MGST1: variants seen among roughly 807,000 people sequenced by gnomAD.
The protein encoded by MGST1 is glutathione S-transferase 12.
In MGST1, 5 loss-of-function variants were observed where a neutral mutation model predicts 8.9. The ratio of observed to expected loss-of-function variants is 0.56; its 90% confidence interval spans 0.29 to 1.19. The LOEUF is 1.19. Ranked by LOEUF, MGST1 falls within the 50% of genes most tolerant of loss-of-function variation. MGST1 has a pLI of 0.08. For missense variants in MGST1, 182 were observed against 187.4 expected (o/e 0.97, Z 0.17); for synonymous variants, 54 against 67.8 (o/e 0.80, Z 1.00).
chr12:16,381,083 CTCTT>C (rs1176479536), downstream of MGST1, among the ~76,000 whole-genome samples: 1 of 152,170 alleles, frequency 6.6e-6, no homozygotes, highest in Non-Finnish European at 1.5e-5. Context: ...TGTGTCTTGA[CTCTT>C]TATCCAATTT....
downstream of MGST1, among the ~76,000 whole-genome samples, chr12:16,381,495 C>A (rs1255491780): frequency 3.9e-5 from 6 of 152,200 alleles, no homozygotes; most frequent in Non-Finnish European, 7.3e-5. Context: ...TGTAGAGTTT[C>A]TGCCGAGAGA....
chr12:16,452,636 C>T (rs568052957), intron 4 of MGST1, among the ~76,000 whole-genome samples: 2 of 151,890 alleles, frequency 1.3e-5, no homozygotes, highest in Non-Finnish European at 2.9e-5. Context: ...TCAATCCTCA[C>T]AACAACCTGG....
Position 16,544,221 on chromosome 12 carries a change from T to TACAC in MGST1, n.483-45267_483-45264dup, listed in dbSNP as rs3029719. Among the ~76,000 whole-genome samples, 21,096 of 138,632 alleles carry TACAC rather than the reference T, an allele frequency of 0.15. 1,832 individuals carry two copies. Among genetic ancestry groups the TACAC allele is most frequent in the Admixed American group, 0.25 (3,399 of 13,636 alleles). 90.9% of individuals were successfully genotyped at this position (138,632 alleles called of 152,430 possible). A position where few individuals can be genotyped will look rare whatever the true frequency, so the allele number is the denominator to read the frequency against. On this transcript the variant is annotated intron_variant and non_coding_transcript_variant, in intron 4 of 4. Transcript: ENST00000538857. This position sits in a 1 kb window ranked among gnomAD's most constrained non-coding sequence, Gnocchi z 4.8. ...TTAAATTGACACCTTAAGTAAGAACTACACACACACACACACACACACACA... is the reference window on the plus strand; with the variant it reads ...TTAAATTGACACCTTAAGTAAGAACTACACACACACACACACACACACACACACA...
intron 4 of MGST1, among the ~76,000 whole-genome samples, chr12:16,498,697 C>A (rs934721037): frequency 6.6e-6 from 1 of 152,104 alleles, no homozygotes; most frequent in African/African-American, 2.4e-5. Flanking sequence ...ACAGGAGACC[C>A]GCTTTCCATG....
chr12:16,545,067 T>G (rs1300291292), intron 4 of MGST1, among the ~76,000 whole-genome samples: 1 of 152,104 alleles, frequency 6.6e-6, no homozygotes, highest in African/African-American at 2.4e-5. Context: ...GCTTTAAGTA[T>G]ATTTAAAAAA....
rs899218801 is a variant in MGST1 at position 16,517,733 on chromosome 12, G to A, written n.483-71795G>A. Reference sequence around the variant, plus strand: ...CACAGAGAAGAGAGTTTTAGCCAATGGTCTTCTGCTATTCCAGATTCATTA... The same window carrying A: ...CACAGAGAAGAGAGTTTTAGCCAATAGTCTTCTGCTATTCCAGATTCATTA... On this transcript the variant is annotated intron_variant and non_coding_transcript_variant, in intron 4 of 4. Transcript: ENST00000538857. This position sits in a 1 kb window ranked among gnomAD's most constrained non-coding sequence, Gnocchi z 4.2. 1.3e-5 allele frequency among the ~76,000 whole-genome samples: 2 copies of A among 152,088 alleles called. No homozygotes were observed. Among genetic ancestry groups the A allele is most frequent in the East Asian group, 3.9e-4 (2 of 5,180 alleles).
At position 16,560,637 on chromosome 12, in the gene MGST1, C is replaced by A; in HGVS notation, n.483-28891C>A. On this transcript the variant is annotated intron_variant and non_coding_transcript_variant, in intron 4 of 4. Transcript: ENST00000538857. This position sits in a 1 kb window ranked among gnomAD's most constrained non-coding sequence, Gnocchi z 5.0. ...TAATATACTCTGTAAAGCTACAATA[C>A]ACAATGCTTTATGATGTACACAAGT... is the stretch of plus-strand genomic sequence containing the variant. The A allele has an allele frequency of 9.4e-7, 1 of 1,060,316 alleles. No homozygotes were observed. The highest frequency in any genetic ancestry group is 1.4e-6 in the Non-Finnish European group (1 of 719,390). 65.7% of individuals were successfully genotyped at this position (1,060,316 alleles called of 1,614,324 possible).
chr12:16,365,987 T>G (rs1298945817), downstream of MGST1, among the ~76,000 whole-genome samples: 1 of 152,218 alleles, frequency 6.6e-6, no homozygotes, highest in Non-Finnish European at 1.5e-5. Flanking sequence ...GGTCAGGTCT[T>G]TGTTGAACCA....
chr12:16,399,276 T>C lies in MGST1; in HGVS notation n.778+15672T>C, dbSNP rs142270291. 11 of 1,604,706 alleles carry C rather than the reference T, an allele frequency of 6.9e-6. No individual in the cohort carries two copies. The African/African-American group carries it at 1.1e-4, about 16-fold the overall frequency. On this transcript the variant is annotated intron_variant and non_coding_transcript_variant, in intron 1 of 1. Coordinates refer to the MGST1 transcript ENST00000359720. ...GAGCTCAGGGCCAAAGTTCAGAAGT[T>C]ACTTCCTCTTTTTCTTGGGGGGTGC...
At position 16,500,670 on chromosome 12, in the gene MGST1, G is replaced by A. The variant is rs1032889885; in HGVS notation, n.483-88858G>A. 1.4e-5 allele frequency among the ~76,000 whole-genome samples: 2 copies of A among 147,794 alleles called. No homozygotes were observed. Among genetic ancestry groups the A allele is most frequent in the African/African-American group, 4.9e-5 (2 of 40,634 alleles). On this transcript the variant is annotated intron_variant and non_coding_transcript_variant, in intron 4 of 4. Transcript: ENST00000538857. This position sits in a 1 kb window ranked among gnomAD's most constrained non-coding sequence, Gnocchi z 4.3. ...TTAGAAGGCCTTTGCCCAGGATGAT[G>A]TTTACACATAGCAGGTGCTCAATAA...
intron 1 of MGST1, among the ~76,000 whole-genome samples, chr12:16,407,674 C>A (rs528107703): frequency 4.6e-5 from 7 of 152,118 alleles, no homozygotes; most frequent in African/African-American, 1.4e-4. Flanking sequence ...AAGTGCCCAT[C>A]ATTTGTGAAC....
chr12:16,551,207 G>A (rs1337984048), intron 4 of MGST1: 1 of 1,451,112 alleles, frequency 6.9e-7, no homozygotes, highest in African/African-American at 1.4e-5. Flanking sequence ...TTCTTAATGG[G>A]GTGATGTTGA....
chr12:16,547,393 G>A lies in MGST1; in HGVS notation n.483-42135G>A, dbSNP rs1462736442. On this transcript the variant is annotated intron_variant and non_coding_transcript_variant, in intron 4 of 4. Coordinates refer to the MGST1 transcript ENST00000538857. This position sits in a 1 kb window ranked among gnomAD's most constrained non-coding sequence, Gnocchi z 4.6. Reference sequence around the variant, plus strand: ...GCTATTGAGTTAATGAGTAATTTGTGTGCGATAATTCTCTGAACACATTGA... The same window carrying A: ...GCTATTGAGTTAATGAGTAATTTGTATGCGATAATTCTCTGAACACATTGA... 6.6e-6 allele frequency among the ~76,000 whole-genome samples: 1 copy of A among 152,144 alleles called. No homozygotes were observed. The highest frequency in any genetic ancestry group is 6.5e-5 in the Admixed American group (1 of 15,270).
intron 4 of MGST1, among the ~76,000 whole-genome samples, chr12:16,571,100 T>C (rs1438989463): frequency 1.3e-5 from 2 of 152,148 alleles, no homozygotes; most frequent in South Asian, 2.1e-4. Flanking sequence ...TATTTTATCT[T>C]ACCTCGTTGA....
chr12:16,390,659 G>A (rs989879892), intron 1 of MGST1, among the ~76,000 whole-genome samples: 4 of 152,080 alleles, frequency 2.6e-5, no homozygotes, highest in Admixed American at 2.0e-4. Flanking sequence ...GCTACATAAT[G>A]TACATCATTC....
chr12:16,369,844 T>A lies in MGST1; in HGVS notation c.222-6278T>A, dbSNP rs1419586990. On this transcript the variant is annotated intron_variant, in intron 3 of 3. Coordinates refer to the MGST1 transcript ENST00000535309. The surrounding 1 kb of genome is among the most constrained non-coding windows in gnomAD (Gnocchi z 4.8). ...AACTGCATAAATCTCCTTTCAAGAG[T>A]CTGCAATCATTACATCCACCAACAT... The A allele has an allele frequency of 2.0e-5, 3 of 152,114 alleles. No homozygotes were observed. The East Asian group carries it at 5.8e-4, about 29-fold the overall frequency. 9.4% of individuals were successfully genotyped at this position (152,114 alleles called of 1,614,324 possible). A position where few individuals can be genotyped will look rare whatever the true frequency, so the allele number is the denominator to read the frequency against.
downstream of MGST1, among the ~76,000 whole-genome samples, chr12:16,366,029 T>C (rs1276655920): frequency 6.6e-6 from 1 of 152,230 alleles, no homozygotes; most frequent in Admixed American, 6.5e-5. The surrounding 1 kb of genome is among the most constrained non-coding windows in gnomAD (Gnocchi z 4.0). Flanking sequence ...TCTTAAATTT[T>C]CTTCTCACTT....
In MGST1 at chr12:16,423,018, T is replaced by C. The variant is rs560251262; in HGVS notation, n.779-14370T>C. 1.7e-3 allele frequency among the ~76,000 whole-genome samples: 253 copies of C among 152,248 alleles called. 1 individual carries two copies. The highest frequency in any genetic ancestry group is 6.8e-3 in the Middle Eastern group (2 of 294). On this transcript the variant is annotated intron_variant and non_coding_transcript_variant, in intron 1 of 1. Transcript: ENST00000359720. ...TCTACCCTGTGAACTCTAGCAGCCT[T>C]CTTTTCCCCTGACTCTGTTTGTCTC...
At chr12:16,347,333 G>A (rs1047344689), upstream of MGST1, 2 of 152,206 alleles carry the variant, frequency 1.3e-5, no homozygotes, top group Admixed American at 1.3e-4. This position sits in a 1 kb window ranked among gnomAD's most constrained non-coding sequence, Gnocchi z 4.0. Context: ...AACTTTCTGC[G>A]AAGTTTTTAA....
Sources: allele counts gnomAD v4.1 joint callset (sites outside exome capture counted in the v4.1 genomes callset), GRCh38; gene constraint gnomAD v4.1.1; non-coding constraint Gnocchi (gnomAD v3.1); transcripts MANE v1.5; gene names NCBI Gene and HGNC (gene_info 2026-07-23, HGNC 2026-07-21).